Variants in HTR1F observed in about 807,000 individuals in gnomAD.
HTR1F encodes the protein 5-hydroxytryptamine receptor 1F.
A neutral mutation model predicts 24.0 loss-of-function variants in HTR1F; 17 were observed. The observed-to-expected ratio is 0.71, with a 90% CI of 0.48 to 1.06. The LOEUF (loss-of-function observed/expected upper bound fraction) is 1.06, where lower values mean the gene tolerates loss of function less well. Among genes scored for constraint, HTR1F ranks in the 50% least tolerant of loss-of-function variants. The pLI, the probability that HTR1F is intolerant of heterozygous loss-of-function variation, is 0.00. For missense variants in HTR1F, 391 were observed against 427.8 expected (o/e 0.91, Z 0.76); for synonymous variants, 186 against 156.8 (o/e 1.19, Z -1.39).
intron 2 of HTR1F, among the ~76,000 whole-genome samples, chr3:87,926,134 C>T (rs1704122067): frequency 1.3e-5 from 2 of 152,272 alleles, no homozygotes; most frequent in South Asian, 4.1e-4. Context: ...TACGTATTCA[C>T]ATGCTTTTGA....
intron 2 of HTR1F, among the ~76,000 whole-genome samples, chr3:87,933,520 A>G (rs1704336218): frequency 6.6e-6 from 1 of 152,206 alleles, no homozygotes; most frequent in Non-Finnish European, 1.5e-5. Context: ...AGGATATAAA[A>G]TCAATGTACA....
At chr3:87,946,203 C>A (rs1559644362) in intron 2 of HTR1F, among the ~76,000 whole-genome samples, 1 of 152,146 alleles carries the variant, frequency 6.6e-6, no homozygotes, top group Non-Finnish European at 1.5e-5. Context: ...CCTGCCGGAT[C>A]CAGAGGGGTG....
At chr3:87,862,518 T>G (rs1291541018) in intron 2 of HTR1F, among the ~76,000 whole-genome samples, 3 of 152,230 alleles carry the variant, frequency 2.0e-5, no homozygotes, top group Non-Finnish European at 4.4e-5. Flanking sequence ...CTTTCTGTAC[T>G]TTTTAATTCA....
At chr3:87,921,435 T>C (rs182917923) in intron 2 of HTR1F, among the ~76,000 whole-genome samples, 2 of 152,130 alleles carry the variant, frequency 1.3e-5, no homozygotes, top group Admixed American at 6.6e-5. Flanking sequence ...AAATATAACA[T>C]GCTTTTTTTA....
intron 2 of HTR1F, among the ~76,000 whole-genome samples, chr3:87,988,193 G>C (rs1705720791): frequency 6.6e-6 from 1 of 152,008 alleles, no homozygotes; most frequent in Non-Finnish European, 1.5e-5. Context: ...AGCCATCCAA[G>C]TGATTCTGAG....
chr3:87,943,519 C>A (rs1704620417), intron 2 of HTR1F, among the ~76,000 whole-genome samples: 1 of 150,616 alleles, frequency 6.6e-6, no homozygotes, highest in Non-Finnish European at 1.5e-5. Flanking sequence ...TTTGGTTACC[C>A]CTTTGTCTAT....
intron 2 of HTR1F, among the ~76,000 whole-genome samples, chr3:87,966,383 A>G (rs1705163385): frequency 6.6e-6 from 1 of 152,204 alleles, no homozygotes; most frequent in Non-Finnish European, 1.5e-5. Context: ...CTGTTACATA[A>G]CTAACTTCTG....
intron 2 of HTR1F, among the ~76,000 whole-genome samples, chr3:87,930,657 AC>A (rs1323547841): frequency 2.0e-5 from 3 of 151,980 alleles, no homozygotes; most frequent in Non-Finnish European, 4.4e-5. Context: ...TGGTGAATAA[AC>A]TTTTTTATGT....
At chr3:87,838,172 GAAGA>G (rs1370876233) in intron 2 of HTR1F, among the ~76,000 whole-genome samples, 2 of 152,062 alleles carry the variant, frequency 1.3e-5, no homozygotes, top group Non-Finnish European at 2.9e-5. Flanking sequence ...GACCATTAGG[GAAGA>G]AAGATTTAGT....
At chr3:87,804,565 A>T (rs2107078142) in intron 1 of HTR1F, among the ~76,000 whole-genome samples, 1 of 152,238 alleles carries the variant, frequency 6.6e-6, no homozygotes, top group East Asian at 1.9e-4. Flanking sequence ...CCATTTTATT[A>T]TCTAGAAATT....
At chr3:87,952,962 A>C (rs1704866814) in intron 2 of HTR1F, among the ~76,000 whole-genome samples, 1 of 151,906 alleles carries the variant, frequency 6.6e-6, no homozygotes, top group Non-Finnish European at 1.5e-5. Flanking sequence ...AAAATAAGTA[A>C]TAACTAAAAA....
intron 2 of HTR1F, among the ~76,000 whole-genome samples, chr3:87,830,400 A>G (rs2107150203): frequency 6.6e-6 from 1 of 152,312 alleles, no homozygotes. Flanking sequence ...AAGTAGTGGT[A>G]AGTCCATCAG....
chr3:87,921,266 A>C (rs1255511714), intron 2 of HTR1F, among the ~76,000 whole-genome samples: 1 of 152,004 alleles, frequency 6.6e-6, no homozygotes, highest in Non-Finnish European at 1.5e-5. Context: ...TATTGATTGG[A>C]TTTACCTTAC....
chr3:87,884,031 A>G (rs757641587), intron 2 of HTR1F, among the ~76,000 whole-genome samples: 17 of 152,152 alleles, frequency 1.1e-4, no homozygotes, highest in Non-Finnish European at 2.1e-4. Context: ...CTACCCCAAG[A>G]CACATAATTT....
intron 2 of HTR1F, among the ~76,000 whole-genome samples, chr3:87,965,882 C>T (rs1000566590): frequency 2.0e-5 from 3 of 152,202 alleles, no homozygotes; most frequent in African/African-American, 7.2e-5. Context: ...CTGAAACTAA[C>T]ACTCCACCCT....
rs114614652 is a variant in HTR1F at position 87,857,696 on chromosome 3, G to C, written c.-43+35572G>C. Among the ~76,000 whole-genome samples the C allele has an allele frequency of 9.4e-3, 1,424 of 152,004 alleles. 12 individuals carry two copies. The highest frequency in any genetic ancestry group is 0.015 in the Admixed American group (226 of 15,248). On this transcript the variant is annotated intron_variant, in intron 2 of 2. Transcript: ENST00000319595. ...TCCCCCATTAGCAACATTCCCCACCGAAGTAGTACATTTGTTACAACTGAT... is the reference window on the plus strand; with the variant it reads ...TCCCCCATTAGCAACATTCCCCACCCAAGTAGTACATTTGTTACAACTGAT...
chr3:87,948,896 G>C (rs1274954000), intron 2 of HTR1F, among the ~76,000 whole-genome samples: 1 of 152,044 alleles, frequency 6.6e-6, no homozygotes, highest in African/African-American at 2.4e-5. Flanking sequence ...CTTGCTTTAG[G>C]AGTACTGAAT....
At chr3:87,923,005 A>C in intron 2 of HTR1F, among the ~76,000 whole-genome samples, 1 of 151,618 alleles carries the variant, frequency 6.6e-6, no homozygotes, top group East Asian at 1.9e-4. Context: ...CCGTTTTTCC[A>C]GCAACATTTA....
rs1002964029 is a variant in HTR1F, at chr3:87,882,802, A to G, written c.-43+60678A>G. ...GCGCACCAGCATGGCACATGTATACATATGTAACTAACCTGCACATTGTGC... is the reference window on the plus strand; with the variant it reads ...GCGCACCAGCATGGCACATGTATACGTATGTAACTAACCTGCACATTGTGC... On this transcript the variant is annotated intron_variant, in intron 2 of 2. Coordinates refer to ENST00000319595, the MANE Select transcript of HTR1F (RefSeq NM_001322209.2). Among the ~76,000 whole-genome samples, 17 of 152,140 alleles carry G rather than the reference A, an allele frequency of 1.1e-4. 1 individual carries two copies. The highest frequency in any genetic ancestry group is 6.8e-3 in the Middle Eastern group (2 of 292).
Sources: gnomAD v4.1 joint callset for allele counts (sites outside exome capture counted in the v4.1 genomes callset) on GRCh38, gnomAD v4.1.1 for gene constraint, MANE v1.5 for transcripts, NCBI Gene and HGNC (gene_info 2026-07-23, HGNC 2026-07-21) for gene names.